NRIP1: variants seen among roughly 807,000 people sequenced by gnomAD.
NRIP1 encodes nuclear receptor-interacting protein 1.
NRIP1 carries 28 observed loss-of-function variants against 75.0 expected under a neutral mutation model. The observed-to-expected ratio is 0.37, with a 90% confidence interval of 0.28 to 0.51. The LOEUF (loss-of-function observed/expected upper bound fraction) is 0.51. Among genes scored for constraint, NRIP1 ranks in the 20% least tolerant of loss-of-function variants. NRIP1 has a pLI of 0.92. For missense variants in NRIP1, 1,435 were observed against 1,343.7 expected, an observed-to-expected ratio of 1.07 and a Z score of -1.06; for synonymous variants, 526 against 487.6, an observed-to-expected ratio of 1.08 and a Z score of -1.04.
intron 3 of NRIP1, among the ~76,000 whole-genome samples, chr21:15,004,043 C>G (rs2087909448): frequency 2.6e-5 from 4 of 152,084 alleles, no homozygotes; most frequent in Admixed American, 2.6e-4. Flanking sequence ...ATACCCATAC[C>G]TAAAAATATG....
intron 2 of NRIP1, among the ~76,000 whole-genome samples, chr21:15,024,972 T>C (rs559117557): frequency 8.5e-5 from 13 of 152,240 alleles, no homozygotes; most frequent in African/African-American, 2.6e-4. Flanking sequence ...AGATGCCATT[T>C]TGCATCCAAT....
intron 3 of NRIP1, among the ~76,000 whole-genome samples, chr21:15,001,245 TC>T (rs1179394973): frequency 1.8e-4 from 27 of 152,162 alleles, no homozygotes; most frequent in African/African-American, 5.8e-4. Context: ...CTCTCCTAAA[TC>T]AAGTGTTCTG....
In NRIP1 at chr21:15,056,507, A is replaced by AT. The variant is rs200156354; in HGVS notation, c.-538+8237dup. On this transcript the variant is annotated intron_variant, in intron 1 of 3. Transcript: ENST00000318948. ...ACATAGATTCAGTGTATTTTAATTC[A>AT]TTTTTTTTTAAAAAGCATGGATCAG... Among the ~76,000 whole-genome samples, 1,242 of 151,524 alleles carry AT rather than the reference A, an allele frequency of 8.2e-3. 53 individuals are homozygous for AT. Among genetic ancestry groups the AT allele is most frequent in the Admixed American group, 0.071 (1,080 of 15,202 alleles).
At chr21:14,996,405 T>G (rs1242285982) in intron 3 of NRIP1, among the ~76,000 whole-genome samples, 2 of 152,204 alleles carry the variant, frequency 1.3e-5, no homozygotes, top group Admixed American at 6.5e-5. Context: ...TGGTTCTCTC[T>G]TTTGAGAAAG....
At chr21:15,048,202 A>C (rs1423260231) in intron 1 of NRIP1, among the ~76,000 whole-genome samples, 1 of 152,254 alleles carries the variant, frequency 6.6e-6, no homozygotes, top group African/African-American at 2.4e-5. Context: ...AGTTTTATAT[A>C]TTGTGAGAAT....
At chr21:15,053,243 A>T (rs141398773) in intron 1 of NRIP1, among the ~76,000 whole-genome samples, 85 of 152,340 alleles carry the variant, frequency 5.6e-4, no homozygotes, top group African/African-American at 1.9e-3. Flanking sequence ...TAAAATTCAC[A>T]GTGAATGTGT....
chr21:14,966,020 T>C lies in NRIP1; in HGVS notation c.2173A>G (p.Ser725Gly). 6.2e-7 allele frequency: 1 copy of C among 1,611,704 alleles called. No individual in the cohort carries two copies. Among genetic ancestry groups the C allele is most frequent in the Non-Finnish European group, 8.5e-7 (1 of 1,179,448 alleles). ...AAGGGAGTTTTCTCTTTTTTTTCAC[T>C]CTTCCCTTTGTTGGGGTTCCCCAGG... The part of the protein sequence containing the change: ...LLLGNPNKGK[S>G]EKKEKTPLRD... The change falls in exon 4 of 4, where the codon AGT becomes GGT. Residue 725 changes from serine (S) to glycine (G), a missense_variant. By Grantham distance (56) the Ser-to-Gly change is moderately conservative. Coordinates refer to ENST00000318948, the MANE Select transcript of NRIP1 (RefSeq NM_003489.4).
intron 3 of NRIP1, among the ~76,000 whole-genome samples, chr21:14,978,208 T>C (rs956988742): frequency 6.6e-6 from 1 of 152,206 alleles, no homozygotes; most frequent in Non-Finnish European, 1.5e-5. Flanking sequence ...GACACATGTA[T>C]ATGAGGACCC....
chr21:15,025,716 C>T (rs995981456), intron 2 of NRIP1, among the ~76,000 whole-genome samples: 4 of 152,068 alleles, frequency 2.6e-5, no homozygotes, highest in Non-Finnish European at 5.9e-5. Context: ...AAAGAGAAGA[C>T]ACAGTATCAC....
At chr21:15,038,523 T>A (rs1312803262) in intron 2 of NRIP1, among the ~76,000 whole-genome samples, 2 of 151,998 alleles carry the variant, frequency 1.3e-5, no homozygotes, top group African/African-American at 4.8e-5. Flanking sequence ...CCAACATAAT[T>A]TTATTATCCA....
intron 3 of NRIP1, among the ~76,000 whole-genome samples, chr21:14,975,904 C>G (rs1474907716): frequency 1.3e-5 from 2 of 151,984 alleles, no homozygotes; most frequent in African/African-American, 4.8e-5. Flanking sequence ...GTACTTTTGA[C>G]TTCTAAAAGG....
Position 14,967,004 on chromosome 21 carries a change from T to C in NRIP1, c.1189A>G (p.Ser397Gly). The change falls in exon 4 of 4, where the codon AGT (serine) becomes GGT (glycine). Residue 397 changes from serine (S) to glycine (G), a missense_variant. Coordinates refer to ENST00000318948, the MANE Select transcript of NRIP1 (RefSeq NM_003489.4). ...AAAATGCTTCCTCTCTCACTGTGAC[T>C]GTGTCCATTCATTGGCTTAGGTATA... is the stretch of plus-strand genomic sequence containing the variant. ...QTIPKPMNGH[S>G]HSERGSIFEE... 6.2e-7 allele frequency: 1 copy of C among 1,614,180 alleles called. No individual in the cohort carries two copies. The highest frequency in any genetic ancestry group is 1.1e-5 in the South Asian group (1 of 91,086).
chr21:15,012,060 T>A (rs1204457950), intron 3 of NRIP1, among the ~76,000 whole-genome samples: 1 of 152,192 alleles, frequency 6.6e-6, no homozygotes, highest in Non-Finnish European at 1.5e-5. Flanking sequence ...CTTAAAAATA[T>A]AACATGAGTG....
intron 3 of NRIP1, among the ~76,000 whole-genome samples, chr21:15,001,703 T>G (rs2147118550): frequency 6.7e-6 from 1 of 149,332 alleles, no homozygotes; most frequent in South Asian, 2.1e-4. Context: ...GGTGGTGTAG[T>G]GGCCACCTCT....
intron 1 of NRIP1, among the ~76,000 whole-genome samples, chr21:15,047,978 G>GACCC (rs2089122992): frequency 6.6e-6 from 1 of 151,982 alleles, no homozygotes; most frequent in African/African-American, 2.4e-5. Context: ...TTATTAATTG[G>GACCC]CCTAATTTCA....
At chr21:15,039,519 TCC>T (rs2088907930) in intron 2 of NRIP1, among the ~76,000 whole-genome samples, 2 of 152,136 alleles carry the variant, frequency 1.3e-5, no homozygotes, top group South Asian at 4.1e-4. Flanking sequence ...TCTTGATTTA[TCC>T]CATTTGGCAA....
chr21:14,987,291 A>G (rs534581341), intron 3 of NRIP1, among the ~76,000 whole-genome samples: 1 of 152,334 alleles, frequency 6.6e-6, no homozygotes, highest in East Asian at 1.9e-4. Flanking sequence ...TAGCCTAGCC[A>G]CAGAGTCGCT....
intron 2 of NRIP1, among the ~76,000 whole-genome samples, chr21:15,033,166 A>G (rs2088749691): frequency 1.3e-5 from 2 of 149,662 alleles, no homozygotes; most frequent in Non-Finnish European, 3.0e-5. Context: ...CAGAGCTTGC[A>G]GTGAGCCCAG....
intron 2 of NRIP1, among the ~76,000 whole-genome samples, chr21:15,029,309 C>A (rs900811922): frequency 6.6e-6 from 1 of 152,134 alleles, no homozygotes; most frequent in Non-Finnish European, 1.5e-5. Context: ...CCCACTCCAG[C>A]CACAGGAACT....
Sources: gnomAD v4.1 joint callset for allele counts (sites outside exome capture counted in the v4.1 genomes callset) on GRCh38, gnomAD v4.1.1 for gene constraint, MANE v1.5 for transcripts, NCBI Gene and HGNC (gene_info 2026-07-23, HGNC 2026-07-21) for gene names.